BRD4: variants seen among roughly 807,000 people sequenced by gnomAD.
BRD4 encodes bromodomain containing 4.
Under a neutral mutation model 142.1 loss-of-function variants are expected in BRD4, and 16 were observed. The ratio of observed to expected loss-of-function variants is 0.11; its 90% CI spans 0.08 to 0.17. The LOEUF is 0.17. Ranked by LOEUF, BRD4 falls within the 10% of genes least tolerant of loss-of-function variation. The pLI, the probability that BRD4 is intolerant of heterozygous loss-of-function variation, is 1.00. For missense variants in BRD4, 1,424 were observed against 1,810.9 expected, an observed-to-expected ratio of 0.79 and a Z score of 3.88; for synonymous variants, 833 against 707.5, an observed-to-expected ratio of 1.18 and a Z score of -2.82.
At chr19:15,242,762 C>G in intron 14 of BRD4, 138 bp downstream of exon 14, 1 of 1,358,952 alleles carries the variant, frequency 7.4e-7, no homozygotes, top group Non-Finnish European at 1.0e-6. Context: ...AATGACCCTT[C>G]CAGGTCCCCC....
chr19:15,291,661 A>G (rs964199601), intron 1 of BRD4, among the ~76,000 whole-genome samples: 3 of 152,320 alleles, frequency 2.0e-5, no homozygotes, highest in Non-Finnish European at 4.4e-5. Flanking sequence ...CCCCTGATAT[A>G]TAACTATTTT....
intron 1 of BRD4, among the ~76,000 whole-genome samples, chr19:15,308,155 G>GGGC (rs2047932185): frequency 2.2e-5 from 1 of 45,244 alleles, no homozygotes; most frequent in African/African-American, 8.1e-5. Flanking sequence ...GCCGGGGGGG[G>GGGC]GGGGGGGGGT....
intron 1 of BRD4, chr19:15,331,835 C>T (rs1384803194): frequency 6.8e-6 from 1 of 147,996 alleles, no homozygotes; most frequent in Non-Finnish European, 1.5e-5. Flanking sequence ...CCGGGACTTA[C>T]CCGGGCCGGG....
intron 2 of BRD4, among the ~76,000 whole-genome samples, chr19:15,269,938 C>G (rs2047569649): frequency 6.6e-6 from 1 of 152,214 alleles, no homozygotes; most frequent in Non-Finnish European, 1.5e-5. Flanking sequence ...CAAGCAGTGC[C>G]TGGGTTTCCA....
At chr19:15,306,447 T>C (rs2047914704) in intron 1 of BRD4, among the ~76,000 whole-genome samples, 1 of 152,128 alleles carries the variant, frequency 6.6e-6, no homozygotes, top group African/African-American at 2.4e-5. Context: ...TTTTCCATTT[T>C]TTTTATGAAG....
intron 1 of BRD4, among the ~76,000 whole-genome samples, chr19:15,302,337 C>G (rs2047875901): frequency 6.6e-6 from 1 of 152,178 alleles, no homozygotes; most frequent in African/African-American, 2.4e-5. Flanking sequence ...GCAAGGACAG[C>G]CTGGTCTGAA....
At chr19:15,260,621 T>A (rs1300449235) in intron 7 of BRD4, among the ~76,000 whole-genome samples, 2 of 151,980 alleles carry the variant, frequency 1.3e-5, no homozygotes. Context: ...CCCCCACCCC[T>A]TGCCTGCACT....
At chr19:15,288,904 A>G (rs1259395664) in intron 1 of BRD4, among the ~76,000 whole-genome samples, 1 of 152,172 alleles carries the variant, frequency 6.6e-6, no homozygotes, top group Non-Finnish European at 1.5e-5. Context: ...TCAGGCTTCC[A>G]CAGCCACCAG....
Position 15,237,515 on chromosome 19 carries a change from G to A in BRD4, c.*862C>T. Reference sequence around the variant, plus strand: ...TACCCACAGCGCGGTGGCAGCCGCTGCTCAATGAGGAGACGATCACACCAT... The same window carrying A: ...TACCCACAGCGCGGTGGCAGCCGCTACTCAATGAGGAGACGATCACACCAT... On this transcript the variant is annotated 3_prime_UTR_variant, in exon 20 of 20. Coordinates refer to ENST00000679869, the MANE Select transcript of BRD4 (RefSeq NM_001379291.1). 1 of 226,284 alleles carries A rather than the reference G, an allele frequency of 4.4e-6. No individual in the cohort carries two copies. Among genetic ancestry groups the A allele is most frequent in the East Asian group, 6.3e-5 (1 of 15,854 alleles). The allele number at this position is 226,284 out of a possible 1,614,324, so 14.0% of individuals were successfully genotyped here. A position where few individuals can be genotyped will look rare whatever the true frequency, so the allele number is the denominator to read the frequency against.
chr19:15,296,231 C>T (rs1263608067), intron 1 of BRD4, among the ~76,000 whole-genome samples: 2 of 152,004 alleles, frequency 1.3e-5, no homozygotes, highest in Non-Finnish European at 1.5e-5. Context: ...TCCAGCCCGG[C>T]GACAGAGCGA....
intron 3 of BRD4, among the ~76,000 whole-genome samples, chr19:15,267,891 A>G (rs1257457656): frequency 6.6e-6 from 1 of 152,218 alleles, no homozygotes; most frequent in Non-Finnish European, 1.5e-5. Flanking sequence ...ATTTCACCAG[A>G]AATACGTGAA....
At chr19:15,273,891 T>C (rs900187483) in intron 1 of BRD4, among the ~76,000 whole-genome samples, 14 of 152,016 alleles carry the variant, frequency 9.2e-5, no homozygotes, top group Non-Finnish European at 1.5e-4. Context: ...GATGAACTTT[T>C]AGTGGGTTCA....
chr19:15,257,322 A>G (rs1200629869), intron 7 of BRD4, 149 bp from the exon 8 acceptor site: 10 of 738,104 alleles, frequency 1.4e-5, no homozygotes, highest in Middle Eastern at 4.0e-4. Context: ...CTGCCGAGAC[A>G]GGGGCAAGGG....
intron 1 of BRD4, among the ~76,000 whole-genome samples, chr19:15,298,542 A>G (rs1482619305): frequency 1.4e-5 from 2 of 139,538 alleles, no homozygotes; most frequent in Non-Finnish European, 3.0e-5. Context: ...AATCACTTGA[A>G]CCCGGGGGGC....
At chr19:15,254,669 C>T (rs1226557430) in intron 10 of BRD4, among the ~76,000 whole-genome samples, 2 of 151,950 alleles carry the variant, frequency 1.3e-5, no homozygotes, top group East Asian at 3.9e-4. Flanking sequence ...AGGGAGAGAC[C>T]CCCGGGGGTC....
At chr19:15,326,507 TAAAAAC>T (rs901597199) in intron 1 of BRD4, among the ~76,000 whole-genome samples, 9 of 151,954 alleles carry the variant, frequency 5.9e-5, no homozygotes, top group Non-Finnish European at 1.0e-4. Context: ...AAATTAAAAT[TAAAAAC>T]AAAGAACTTC....
At chr19:15,317,204 C>T (rs886680753) in intron 1 of BRD4, among the ~76,000 whole-genome samples, 3 of 152,196 alleles carry the variant, frequency 2.0e-5, no homozygotes, top group South Asian at 4.1e-4. Context: ...ATCTGCAAAC[C>T]GGGATGATAC....
intron 1 of BRD4, among the ~76,000 whole-genome samples, chr19:15,294,752 C>T (rs1232967269): frequency 6.6e-6 from 1 of 152,130 alleles, no homozygotes; most frequent in East Asian, 1.9e-4. Flanking sequence ...ATCGCTATCT[C>T]CTCAGAGCCT....
At chr19:15,293,848 G>C (rs1173205339) in intron 1 of BRD4, among the ~76,000 whole-genome samples, 2 of 152,136 alleles carry the variant, frequency 1.3e-5, no homozygotes, top group African/African-American at 4.8e-5. Context: ...ACTATTTTTT[G>C]TGTATGTATT....
Sources: allele counts gnomAD v4.1 joint callset (sites outside exome capture counted in the v4.1 genomes callset), GRCh38; gene constraint gnomAD v4.1.1; transcripts MANE v1.5; gene names NCBI Gene and HGNC (gene_info 2026-07-23, HGNC 2026-07-21).